The following ALPK1 variants were observed in gnomAD, a reference collection of about 807,000 sequenced individuals.
ALPK1 encodes alpha kinase 1.
Under a neutral mutation model 120.6 loss-of-function variants are expected in ALPK1, and 110 were observed. The ratio of observed to expected loss-of-function variants is 0.91; its 90% CI spans 0.78 to 1.07. The LOEUF (loss-of-function observed/expected upper bound fraction) is 1.07. Among genes scored for constraint, ALPK1 ranks in the 50% least tolerant of loss-of-function variants. The pLI, the probability that ALPK1 is intolerant of heterozygous loss-of-function variation, is 0.00. For synonymous variants in ALPK1, 582 were observed against 560.3 expected (o/e 1.04, Z -0.55); for missense variants, 1,498 against 1,483.9 (o/e 1.01, Z -0.16).
chr4:112,371,992 A>G (rs1285927737), intron 2 of ALPK1, among the ~76,000 whole-genome samples: 1 of 152,228 alleles, frequency 6.6e-6, no homozygotes, highest in Non-Finnish European at 1.5e-5. Flanking sequence ...GAGAAAAGTC[A>G]ATCTCAAAAG....
Position 112,441,115 on chromosome 4 carries a change from AG to A in ALPK1, c.3727+12del. The A allele has an allele frequency of 3.7e-6, 6 of 1,613,954 alleles. No individual in the cohort carries two copies. The highest frequency in any genetic ancestry group is 1.3e-5 in the African/African-American group (1 of 75,024). On this transcript the variant is annotated intron_variant, in intron 15 of 15. Coordinates refer to ENST00000650871, the MANE Select transcript of ALPK1 (RefSeq NM_025144.4). ...TCAATGGAGAAACCATGTAAGTCAT[AG>A]GCTGTATGGATTGGTAATGTGACAG...
intron 2 of ALPK1, among the ~76,000 whole-genome samples, chr4:112,377,408 A>C (rs931245534): frequency 3.3e-5 from 5 of 152,134 alleles, no homozygotes; most frequent in African/African-American, 1.2e-4. Context: ...CAGTATATTC[A>C]TTTCATTTGG....
intron 2 of ALPK1, among the ~76,000 whole-genome samples, chr4:112,376,307 C>A (rs961005082): frequency 3.3e-5 from 5 of 152,146 alleles, no homozygotes; most frequent in Admixed American, 3.3e-4. Flanking sequence ...TGTTCTTCAT[C>A]AACAAATACA....
At chr4:112,423,485 T>C (rs1734091137) in intron 5 of ALPK1, among the ~76,000 whole-genome samples, 2 of 152,242 alleles carry the variant, frequency 1.3e-5, no homozygotes, top group African/African-American at 4.8e-5. Flanking sequence ...AGGCCCTTCC[T>C]ATGTGGTAGT....
In ALPK1 at chr4:112,373,091, G is replaced by A. The variant is rs138786970; in HGVS notation, c.-100-4587G>A. On this transcript the variant is annotated intron_variant, in intron 2 of 15. Coordinates refer to ENST00000650871, the MANE Select transcript of ALPK1 (RefSeq NM_025144.4). ...AGTCTCCAACTTATCTGCAGCTCAC[G>A]CCAAGCAAAGTTTGTTCTTAATCTT... Among the ~76,000 whole-genome samples, 190 of 152,250 alleles carry A rather than the reference G, an allele frequency of 1.2e-3. No homozygotes were observed. In the Middle Eastern group the frequency reaches 0.014, roughly 11 times the overall value.
intron 2 of ALPK1, chr4:112,357,658 G>A (rs1730698177): frequency 6.2e-7 from 1 of 1,607,546 alleles, no homozygotes; most frequent in Non-Finnish European, 8.5e-7. Context: ...GATCTGGGTG[G>A]GGATCATCCC....
chr4:112,428,419 A>G (rs1385140541), intron 9 of ALPK1, among the ~76,000 whole-genome samples: 1 of 152,206 alleles, frequency 6.6e-6, no homozygotes, highest in African/African-American at 2.4e-5. Flanking sequence ...AACAGTAACC[A>G]TGCTCAATAC....
intron 1 of ALPK1, among the ~76,000 whole-genome samples, chr4:112,305,808 G>A: frequency 6.6e-6 from 1 of 152,024 alleles, no homozygotes; most frequent in Non-Finnish European, 1.5e-5. Flanking sequence ...GGTGAGAGAA[G>A]GCATCCCTGT....
At chr4:112,306,481 G>C (rs183038525) in intron 1 of ALPK1, among the ~76,000 whole-genome samples, 1 of 151,996 alleles carries the variant, frequency 6.6e-6, no homozygotes, top group Admixed American at 6.6e-5. Flanking sequence ...ATCTTGGGAG[G>C]GTGTATGTGT....
chr4:112,426,276 G>A, intron 7 of ALPK1, 191 bp from the exon 8 acceptor site: 1 of 389,732 alleles, frequency 2.6e-6, no homozygotes, highest in Non-Finnish European at 4.6e-6. Context: ...GTTTCCCAGT[G>A]AAATGGAAAA....
At chr4:112,379,425 G>T (rs1026004392) in intron 3 of ALPK1, among the ~76,000 whole-genome samples, 1 of 152,330 alleles carries the variant, frequency 6.6e-6, no homozygotes, top group African/African-American at 2.4e-5. Context: ...ATAAACCGAC[G>T]GGGAAGGACG....
chr4:112,392,857 T>C (rs1732482756), intron 4 of ALPK1, among the ~76,000 whole-genome samples: 1 of 152,046 alleles, frequency 6.6e-6, no homozygotes, highest in African/African-American at 2.4e-5. Flanking sequence ...ATCCAACTCC[T>C]CTCCCTAACT....
intron 2 of ALPK1, chr4:112,356,930 AC>A (rs1297799090): frequency 6.6e-6 from 5 of 757,922 alleles, no homozygotes; most frequent in East Asian, 2.5e-5. Context: ...CTTTGACCTG[AC>A]CCCCCATGAC....
chr4:112,432,193 T>G lies in ALPK1; in HGVS notation c.2646T>G (p.Gly882=). ...TGTGCATTCTGAGACAGCCGCCTGG[T>G]CAGAGGGCGGAGACCCCCAATTCCT... ...HRLCILRQPP[G]QRAETPNSSV... Residue 882 remains glycine (G), a synonymous_variant, in exon 11 of 16, where the codon GGT becomes GGG. Transcript: ENST00000650871. 9 of 1,614,164 alleles carry G rather than the reference T, an allele frequency of 5.6e-6. No individual in the cohort carries two copies. The highest frequency in any genetic ancestry group is 7.6e-6 in the Non-Finnish European group (9 of 1,180,012).
chr4:112,347,311 G>T (rs555738514), intron 2 of ALPK1, among the ~76,000 whole-genome samples: 1 of 152,264 alleles, frequency 6.6e-6, no homozygotes, highest in East Asian at 1.9e-4. Flanking sequence ...CTTCTGGCAC[G>T]TAATCTTAAT....
chr4:112,399,527 G>A (rs1235837319), intron 4 of ALPK1, among the ~76,000 whole-genome samples: 1 of 152,154 alleles, frequency 6.6e-6, no homozygotes, highest in Non-Finnish European at 1.5e-5. Flanking sequence ...AAGGGCAGCA[G>A]AGAAATGGGA....
chr4:112,309,577 A>G (rs1218478758), intron 1 of ALPK1, among the ~76,000 whole-genome samples: 2 of 151,930 alleles, frequency 1.3e-5, no homozygotes, highest in Non-Finnish European at 2.9e-5. Context: ...CTCGTATGCC[A>G]TTTGCTCAGT....
At chr4:112,440,895 G>C in intron 14 of ALPK1, 22 bp from the exon 15 acceptor site, 1 of 1,594,562 alleles carries the variant, frequency 6.3e-7, no homozygotes. Flanking sequence ...TTAATACTCA[G>C]GTGTGTTCAT....
At chr4:112,383,577 G>A (rs921799799) in intron 4 of ALPK1, 2 of 152,130 alleles carry the variant, frequency 1.3e-5, no homozygotes, top group African/African-American at 4.8e-5. Context: ...GGGATTGCAA[G>A]CAAAGGAAAG....
Sources: allele counts gnomAD v4.1 joint callset (sites outside exome capture counted in the v4.1 genomes callset), GRCh38; gene constraint gnomAD v4.1.1; transcripts MANE v1.5; gene names NCBI Gene and HGNC (gene_info 2026-07-23, HGNC 2026-07-21).